ARHGEF7: variants seen among roughly 807,000 people sequenced by gnomAD.
ARHGEF7 encodes PAK-interacting exchange factor beta.
In ARHGEF7, 33 loss-of-function variants were observed where a neutral mutation model predicts 109.8. The ratio of observed to expected loss-of-function variants is 0.30; its 90% CI spans 0.23 to 0.40. The LOEUF is 0.40. ARHGEF7 is among the 10% of genes least tolerant of loss of function. The pLI is 1.00. For synonymous variants in ARHGEF7, 458 were observed against 424.6 expected (o/e 1.08, Z -0.97); for missense variants, 938 against 1,098.5 (o/e 0.85, Z 2.07).
intron 2 of ARHGEF7, 63 bp downstream of exon 2, chr13:111,154,054 G>C: frequency 6.7e-7 from 1 of 1,482,398 alleles, no homozygotes; most frequent in South Asian, 1.3e-5. Flanking sequence ...CCCGGGGTGG[G>C]TGCTTCGCTC....
intron 1 of ARHGEF7, among the ~76,000 whole-genome samples, chr13:111,134,454 G>C (rs1013026104): frequency 6.6e-6 from 1 of 152,190 alleles, no homozygotes; most frequent in African/African-American, 2.4e-5. Flanking sequence ...TCCAGCACCT[G>C]TTGTTTCCTG....
Position 111,258,666 on chromosome 13 carries a change from T to C in ARHGEF7, c.951-8882T>C, listed in dbSNP as rs561351796. On this transcript the variant is annotated intron_variant, in intron 8 of 21. Transcript: ENST00000646102. This position sits in a 1 kb window ranked among gnomAD's most constrained non-coding sequence, Gnocchi z 4.4. ...ATGTGACCCAGAGCACATTCCCAGCTGTGGTGGCTACAGGGAGGGACTCCT... is the reference window on the plus strand; with the variant it reads ...ATGTGACCCAGAGCACATTCCCAGCCGTGGTGGCTACAGGGAGGGACTCCT... Among the ~76,000 whole-genome samples, 2 of 152,200 alleles carry C rather than the reference T, an allele frequency of 1.3e-5. No individual in the cohort carries two copies. Among genetic ancestry groups the C allele is most frequent in the Non-Finnish European group, 2.9e-5 (2 of 68,016 alleles).
intron 2 of ARHGEF7, among the ~76,000 whole-genome samples, chr13:111,176,359 T>A (rs2078159728): frequency 6.6e-6 from 1 of 152,248 alleles, no homozygotes. Context: ...GTAAGGCAGT[T>A]TCTGTTTCCT....
At chr13:111,244,537 C>T (rs141748238) in intron 8 of ARHGEF7, among the ~76,000 whole-genome samples, 5 of 152,224 alleles carry the variant, frequency 3.3e-5, no homozygotes, top group Non-Finnish European at 5.9e-5. Context: ...GAGGAAGAGT[C>T]GGGATGAAGA....
At chr13:111,244,095 G>C in intron 7 of ARHGEF7, 104 bp from the exon 8 acceptor site, 1 of 1,197,198 alleles carries the variant, frequency 8.4e-7, no homozygotes, top group Admixed American at 2.2e-5. Context: ...TTAGACATCA[G>C]CTGTTTATTA....
chr13:111,294,324 T>C, intron 19 of ARHGEF7: 1 of 985,496 alleles, frequency 1.0e-6, no homozygotes. Flanking sequence ...AAGCTGCCTT[T>C]GCCTTCTCGT....
intron 4 of ARHGEF7, among the ~76,000 whole-genome samples, chr13:111,214,470 G>C (rs1219845064): frequency 6.6e-6 from 1 of 152,254 alleles, no homozygotes; most frequent in Non-Finnish European, 1.5e-5. Context: ...CCACAAGGCC[G>C]GCGTGCCCAG....
intron 1 of ARHGEF7, among the ~76,000 whole-genome samples, chr13:111,119,969 T>C (rs1438625306): frequency 6.6e-6 from 1 of 152,208 alleles, no homozygotes. Context: ...AAGTCACTTA[T>C]AGAGAAGTTA....
chr13:111,146,234 C>T (rs1340760469), intron 1 of ARHGEF7, among the ~76,000 whole-genome samples: 1 of 152,186 alleles, frequency 6.6e-6, no homozygotes, highest in African/African-American at 2.4e-5. Context: ...CAGAACACTT[C>T]TAGAGTCAGT....
chr13:111,222,814 T>C (rs1389760026), intron 5 of ARHGEF7, among the ~76,000 whole-genome samples: 2 of 152,226 alleles, frequency 1.3e-5, no homozygotes, highest in African/African-American at 2.4e-5. Flanking sequence ...AGAATAAAAC[T>C]CTAGGATCAC....
chr13:111,116,455 C>A (rs1159236740), intron 1 of ARHGEF7: 1 of 152,500 alleles, frequency 6.6e-6, no homozygotes, highest in Non-Finnish European at 1.5e-5. Flanking sequence ...TTGTTTTCAT[C>A]GCCCACAAGC....
chr13:111,123,232 G>T (rs534078493), intron 1 of ARHGEF7, among the ~76,000 whole-genome samples: 8 of 152,208 alleles, frequency 5.3e-5, no homozygotes, highest in Non-Finnish European at 1.0e-4. Flanking sequence ...CTCAGGCCCT[G>T]TGTCTACCTC....
intron 2 of ARHGEF7, among the ~76,000 whole-genome samples, chr13:111,154,544 C>A (rs2076153581): frequency 6.6e-6 from 1 of 152,204 alleles, no homozygotes; most frequent in African/African-American, 2.4e-5. Context: ...GTACCCTCAA[C>A]ACTTAATGTC....
chr13:111,299,817 T>C (rs2093521248), intron 19 of ARHGEF7, among the ~76,000 whole-genome samples: 1 of 152,188 alleles, frequency 6.6e-6, no homozygotes, highest in South Asian at 2.1e-4. Context: ...TTTCCATAGT[T>C]AGCGAGCGTG....
chr13:111,252,255 C>T (rs765074413), intron 8 of ARHGEF7, among the ~76,000 whole-genome samples: 10 of 152,216 alleles, frequency 6.6e-5, no homozygotes, highest in South Asian at 2.1e-4. Context: ...ATACTGCCTT[C>T]CACTTCTCTA....
intron 17 of ARHGEF7, 61 bp downstream of exon 17, chr13:111,286,301 T>C (rs1397982348): frequency 1.3e-5 from 18 of 1,369,558 alleles, no homozygotes; most frequent in Non-Finnish European, 1.8e-5. Flanking sequence ...GGCCATGGCT[T>C]TCCTGGGATA....
rs2092871288 is a variant in ARHGEF7, at chr13:111,283,334, C to T, written c.1921C>T (p.Arg641Trp). Residue 641 changes from arginine to tryptophan, a missense_variant, in exon 16 of 22, where the codon CGG becomes TGG. By Grantham distance (101) the Arg-to-Trp change is moderately radical. Transcript: ENST00000646102. The stretch of plus-strand genomic sequence containing the variant: ...CTGCCTGCGGCCCGCGCCTCCCCTC[C>T]GGCCCTCAGCTGCTCTCTGCTACAA... ...LSCLRPAPPLRPSAALCYKED... is the reference protein window; with the variant it reads ...LSCLRPAPPLWPSAALCYKED... 5.8e-6 allele frequency: 9 copies of T among 1,553,336 alleles called. No homozygotes were observed. Among genetic ancestry groups the T allele is most frequent in the East Asian group, 2.4e-5 (1 of 41,894 alleles).
At chr13:111,252,316 C>A (rs1441767720) in intron 8 of ARHGEF7, among the ~76,000 whole-genome samples, 2 of 152,190 alleles carry the variant, frequency 1.3e-5, no homozygotes, top group African/African-American at 2.4e-5. Flanking sequence ...GGATTGAGGG[C>A]CTGCCTCTAG....
intron 2 of ARHGEF7, among the ~76,000 whole-genome samples, chr13:111,177,561 G>GT (rs2078291145): frequency 6.6e-6 from 1 of 152,170 alleles, no homozygotes; most frequent in Non-Finnish European, 1.5e-5. Context: ...GTGTTGGTGA[G>GT]TTTGCAGGTT....
Sources: allele counts gnomAD v4.1 joint callset (sites outside exome capture counted in the v4.1 genomes callset), GRCh38; gene constraint gnomAD v4.1.1; non-coding constraint Gnocchi (gnomAD v3.1); transcripts MANE v1.5; gene names NCBI Gene and HGNC (gene_info 2026-07-23, HGNC 2026-07-21).